Variants in TIMELESS observed in about 807,000 individuals in gnomAD.
The protein encoded by TIMELESS is protein timeless homolog.
In TIMELESS, 124 loss-of-function variants were observed where a neutral mutation model predicts 164.3. The observed-to-expected ratio is 0.75, with a 90% confidence interval of 0.65 to 0.88. The LOEUF (loss-of-function observed/expected upper bound fraction) is 0.88, where lower values mean the gene tolerates loss of function less well. Ranked by LOEUF, TIMELESS falls within the 40% of genes least tolerant of loss-of-function variation. The pLI is 0.00. For synonymous variants in TIMELESS, 564 were observed against 563.4 expected, an observed-to-expected ratio of 1.00 and a Z score of -0.02; for missense variants, 1,422 against 1,491.4, an observed-to-expected ratio of 0.95 and a Z score of 0.77.
chr12:56,428,122 A>T, intron 13 of TIMELESS, 114 bp downstream of exon 13: 1 of 991,806 alleles, frequency 1.0e-6, no homozygotes, highest in Non-Finnish European at 1.4e-6. Flanking sequence ...TTGCTGTCGT[A>T]GTTCAGAGCA....
intron 3 of TIMELESS, 49 bp from the exon 4 acceptor site, chr12:56,433,701 C>T: frequency 6.2e-7 from 1 of 1,613,676 alleles, no homozygotes; most frequent in Non-Finnish European, 8.5e-7. Flanking sequence ...TTTACCAGCT[C>T]AAACGCCAAA....
At position 56,432,540 on chromosome 12, in the gene TIMELESS, T is replaced by C; in HGVS notation, c.532-16A>G. 1 of 1,611,108 alleles carries C rather than the reference T, an allele frequency of 6.2e-7. No homozygotes were observed. Among genetic ancestry groups the C allele is most frequent in the Non-Finnish European group, 8.5e-7 (1 of 1,178,202 alleles). The stretch of plus-strand genomic sequence containing the variant: ...CATCAATCTTCTGAGCAGTGAGTGG[T>C]GAGGGTAGAAAGGAAGCTCATTCAA... On this transcript the variant is annotated splice_polypyrimidine_tract_variant and intron_variant, in intron 6 of 28. Transcript: ENST00000553532.
Position 56,445,422 on chromosome 12 carries a change from C to CAAAAAAAAA in TIMELESS, c.-62+3879_-62+3887dup, listed in dbSNP as rs71081360. Reference sequence around the variant, plus strand: ...GGGAAACAAGAGCGAAACTCCACGTCAAAAAAAAAAAAAAAAAAAAAAAAA... The same window carrying CAAAAAAAAA: ...GGGAAACAAGAGCGAAACTCCACGTCAAAAAAAAAAAAAAAAAAAAAAAAAAAAAAAAAA... On this transcript the variant is annotated intron_variant, in intron 1 of 28. Coordinates refer to ENST00000553532, the MANE Select transcript of TIMELESS (RefSeq NM_003920.5). 9.1e-4 allele frequency among the ~76,000 whole-genome samples: 17 copies of CAAAAAAAAA among 18,748 alleles called. 4 individuals are homozygous for CAAAAAAAAA. Among genetic ancestry groups the CAAAAAAAAA allele is most frequent in the Non-Finnish European group, 1.8e-3 (15 of 8,544 alleles). 12.3% of individuals were successfully genotyped at this position (18,748 alleles called of 152,430 possible).
At position 56,418,253 on chromosome 12, in the gene TIMELESS, T is replaced by A; in HGVS notation, c.3335A>T (p.Gln1112Leu). 1 of 1,614,204 alleles carries A rather than the reference T, an allele frequency of 6.2e-7. No homozygotes were observed. Among genetic ancestry groups the A allele is most frequent in the Non-Finnish European group, 8.5e-7 (1 of 1,180,024 alleles). The change falls in exon 27 of 29, where the codon CAG becomes CTG. Residue 1112 changes from glutamine to leucine, a missense_variant. Coordinates refer to ENST00000553532, the MANE Select transcript of TIMELESS (RefSeq NM_003920.5). ...EEEQKLQPEL[Q>L]PKVPGEQGSD... ...GCCTTGCTCTCCAGGGACTTTAGGC[T>A]GCAGCTCTGGCTGCAGCTTCTGTTC... is the stretch of plus-strand genomic sequence containing the variant.
intron 28 of TIMELESS, 53 bp from the exon 29 acceptor site, chr12:56,417,839 G>C: frequency 6.2e-7 from 1 of 1,613,420 alleles, no homozygotes; most frequent in Non-Finnish European, 8.5e-7. Context: ...TATGTTAAGG[G>C]GTAAGGACGT....
intron 19 of TIMELESS, 71 bp from the exon 20 acceptor site, chr12:56,422,262 G>A: frequency 7.2e-7 from 1 of 1,379,584 alleles, no homozygotes; most frequent in Non-Finnish European, 1.0e-6. Context: ...GGCCTTCTCT[G>A]ATCAGTTCTG....
intron 1 of TIMELESS, among the ~76,000 whole-genome samples, chr12:56,434,858 T>C (rs1202711961): frequency 5.3e-5 from 8 of 152,244 alleles, no homozygotes; most frequent in African/African-American, 1.9e-4. Context: ...AAGATTAGCC[T>C]GGGCAACATT....
At position 56,435,484 on chromosome 12, in the gene TIMELESS, G is replaced by A. The variant is rs546406564; in HGVS notation, c.-61-1253C>T. 2.4e-4 allele frequency among the ~76,000 whole-genome samples: 37 copies of A among 152,266 alleles called. No homozygotes were observed. In the South Asian group the frequency reaches 7.7e-3, roughly 32 times the overall value. On this transcript the variant is annotated intron_variant, in intron 1 of 28. Coordinates refer to ENST00000553532, the MANE Select transcript of TIMELESS (RefSeq NM_003920.5). ...AGCAGTCCTCCTGCCTCAGCCTCCTGAGTAGCTATGACTCTGGGCATGTGC... is the reference window on the plus strand; with the variant it reads ...AGCAGTCCTCCTGCCTCAGCCTCCTAAGTAGCTATGACTCTGGGCATGTGC...
chr12:56,423,120 C>T (rs1881551891), intron 18 of TIMELESS, 128 bp from the exon 19 acceptor site: 8 of 1,407,586 alleles, frequency 5.7e-6, no homozygotes, highest in Non-Finnish European at 7.7e-6. Context: ...TGTCCTTCTC[C>T]ATGCAGCTCC....
intron 10 of TIMELESS, 144 bp downstream of exon 10, chr12:56,429,961 C>T: frequency 2.8e-6 from 2 of 709,848 alleles, no homozygotes; most frequent in Non-Finnish European, 4.4e-6. Context: ...CAGGGACATC[C>T]TAACTGTATA....
chr12:56,426,489 C>T (rs766560547), intron 13 of TIMELESS, among the ~76,000 whole-genome samples: 48 of 148,350 alleles, frequency 3.2e-4, no homozygotes, highest in East Asian at 9.9e-4. Context: ...TGGGTTCAAG[C>T]GATTCTCCTG....
chr12:56,420,048 A>ATATATATATATATATATGTG (rs1473074484), intron 26 of TIMELESS, among the ~76,000 whole-genome samples: 13 of 87,326 alleles, frequency 1.5e-4, no homozygotes, highest in East Asian at 5.6e-4. Flanking sequence ...ATATATATAT[A>ATATATATATATATATATGTG]TGTGTGTGTG....
chr12:56,445,684 C>T (rs7971553), intron 1 of TIMELESS, among the ~76,000 whole-genome samples: 6 of 151,370 alleles, frequency 4.0e-5, no homozygotes, highest in South Asian at 4.2e-4. Flanking sequence ...GAGCTGAGAT[C>T]GCACCACTGC....
rs1251114236 is a variant in TIMELESS, at chr12:56,433,556, A to G, written c.348T>C (p.Tyr116=). 3.7e-6 allele frequency: 6 copies of G among 1,614,218 alleles called. No homozygotes were observed. Among genetic ancestry groups the G allele is most frequent in the Non-Finnish European group, 5.1e-6 (6 of 1,180,034 alleles). The change falls in exon 4 of 29, where the codon TAT becomes TAC. Residue 116 remains tyrosine (Y), a synonymous_variant. Transcript: ENST00000553532. The stretch of plus-strand genomic sequence containing the variant: ...TCCTCACCTCTTTGTAGGCCTGCAA[A>G]TAAGTTAGCACCTGCAAAAAATGGT... ...FRHHFLQVLT[Y]LQAYKEAFAS...
rs1260701538 is a variant in TIMELESS, at chr12:56,420,862, T to C, written c.3060A>G (p.Leu1020=). ...LHQEGFSIPL[L]WLQNCLIRAA... ...CTCGGATCAGGCAGTTCTGGAGCCA[T>C]AGGAGCGGGATAGAAAAGCCTAAGG... Residue 1020 remains leucine (L), a synonymous_variant, in exon 25 of 29, where the codon CTA becomes CTG. Transcript: ENST00000553532. The C allele has an allele frequency of 1.5e-5, 24 of 1,614,062 alleles. No individual in the cohort carries two copies. The highest frequency in any genetic ancestry group is 1.3e-4 in the East Asian group (6 of 44,886).
At chr12:56,438,338 C>A (rs1882138506) in intron 1 of TIMELESS, among the ~76,000 whole-genome samples, 1 of 152,142 alleles carries the variant, frequency 6.6e-6, no homozygotes, top group Non-Finnish European at 1.5e-5. Flanking sequence ...AGCCACCGTG[C>A]CTGGCTTGCC....
chr12:56,429,795 T>C (rs1384778319), intron 10 of TIMELESS, among the ~76,000 whole-genome samples: 2 of 151,480 alleles, frequency 1.3e-5, no homozygotes. Flanking sequence ...GGATTACAGG[T>C]GTGAGCCACC....
At position 56,433,879 on chromosome 12, in the gene TIMELESS, G is replaced by A. The variant is rs766321440; in HGVS notation, c.145C>T (p.Arg49Ter). The change falls in exon 3 of 29, where the codon CGA becomes TGA. Residue 49 changes from arginine (R) to a stop codon, truncating the protein, a stop_gained. Coordinates refer to ENST00000553532, the MANE Select transcript of TIMELESS (RefSeq NM_003920.5). LOFTEE classifies it high-confidence loss of function. ...GCCCCCAGCTGCTGCCGCACATCTC[G>A]TGTCTCATCCTCATGCCTCAAATAG... is the stretch of plus-strand genomic sequence containing the variant. Reference protein sequence around the residue: ...IRYLRHEDETRDVRQQLGAAQ... With the variant: ...IRYLRHEDET 34 of 1,614,012 alleles carry A rather than the reference G, an allele frequency of 2.1e-5. No homozygotes were observed. Among genetic ancestry groups the A allele is most frequent in the Admixed American group, 6.7e-5 (4 of 59,996 alleles).
intron 15 of TIMELESS, among the ~76,000 whole-genome samples, chr12:56,424,485 G>C (rs942521772): frequency 6.6e-6 from 1 of 152,068 alleles, no homozygotes; most frequent in African/African-American, 2.4e-5. Context: ...ACATGCCGTA[G>C]GTCATTTTAC....
Sources: allele counts gnomAD v4.1 joint callset (sites outside exome capture counted in the v4.1 genomes callset), GRCh38; gene constraint gnomAD v4.1.1; transcripts MANE v1.5; gene names NCBI Gene and HGNC (gene_info 2026-07-23, HGNC 2026-07-21).